The following ITGA9 variants were observed in gnomAD, a reference collection of about 807,000 sequenced individuals.
ITGA9 encodes the protein integrin alpha-9.
ITGA9 carries 56 observed loss-of-function variants against 127.8 expected under a neutral mutation model. The ratio of observed to expected loss-of-function variants is 0.44; its 90% CI spans 0.35 to 0.55. The LOEUF is 0.55. Ranked by LOEUF, ITGA9 falls within the 20% of genes least tolerant of loss-of-function variation. ITGA9 has a pLI of 0.00. For missense variants in ITGA9, 1,196 were observed against 1,347.1 expected, an observed-to-expected ratio of 0.89 and a Z score of 1.76; for synonymous variants, 508 against 514.5, an observed-to-expected ratio of 0.99 and a Z score of 0.17.
intron 17 of ITGA9, among the ~76,000 whole-genome samples, chr3:37,655,322 G>A (rs1700466898): frequency 6.6e-6 from 1 of 152,158 alleles, no homozygotes; most frequent in Non-Finnish European, 1.5e-5. Flanking sequence ...CAGTGTAAAA[G>A]CATTCTTATT....
chr3:37,679,080 A>G (rs1700710476), intron 17 of ITGA9, among the ~76,000 whole-genome samples: 1 of 152,196 alleles, frequency 6.6e-6, no homozygotes, highest in Non-Finnish European at 1.5e-5. Flanking sequence ...ATATGCTGTA[A>G]GATAAGCTTT....
chr3:37,707,606 G>A (rs1461323706), intron 18 of ITGA9, among the ~76,000 whole-genome samples: 1 of 152,158 alleles, frequency 6.6e-6, no homozygotes, highest in Non-Finnish European at 1.5e-5. Context: ...GCGATGTCAG[G>A]ATCACCTGTG....
chr3:37,737,822 T>C (rs1234174571), intron 20 of ITGA9, among the ~76,000 whole-genome samples: 3 of 152,240 alleles, frequency 2.0e-5, no homozygotes, highest in Non-Finnish European at 4.4e-5. Flanking sequence ...AACTCCTATA[T>C]ACCCTTTACC....
intron 23 of ITGA9, among the ~76,000 whole-genome samples, chr3:37,772,980 C>T (rs929867386): frequency 6.6e-6 from 1 of 152,248 alleles, no homozygotes; most frequent in African/African-American, 2.4e-5. Context: ...AGCTGTGACT[C>T]TGCCCCTTGG....
chr3:37,772,550 G>A (rs1369953148), intron 23 of ITGA9, among the ~76,000 whole-genome samples: 1 of 152,012 alleles, frequency 6.6e-6, no homozygotes, highest in Non-Finnish European at 1.5e-5. Flanking sequence ...TGTCATGGCT[G>A]TCACATTGGT....
chr3:37,583,016 T>C (rs575952428), intron 15 of ITGA9, among the ~76,000 whole-genome samples: 1 of 152,332 alleles, frequency 6.6e-6, no homozygotes, highest in Non-Finnish European at 1.5e-5. Flanking sequence ...CATTAGTTTG[T>C]AGGCCAGAGG....
At chr3:37,641,697 GC>G (rs1444575504) in intron 16 of ITGA9, among the ~76,000 whole-genome samples, 3 of 151,982 alleles carry the variant, frequency 2.0e-5, no homozygotes, top group Non-Finnish European at 2.9e-5. Flanking sequence ...ACATGCTAAG[GC>G]CCACGAGAGC....
intron 22 of ITGA9, chr3:37,748,173 A>G: frequency 2.2e-6 from 1 of 463,508 alleles, no homozygotes; most frequent in Non-Finnish European, 4.2e-6. Context: ...TTTTTAGAAA[A>G]CATGGAGTTG....
At chr3:37,613,466 T>C (rs1346749290) in intron 15 of ITGA9, among the ~76,000 whole-genome samples, 3 of 152,224 alleles carry the variant, frequency 2.0e-5, no homozygotes, top group Non-Finnish European at 4.4e-5. Flanking sequence ...TATAATCCTT[T>C]GGGTATATAC....
intron 15 of ITGA9, among the ~76,000 whole-genome samples, chr3:37,562,904 T>G (rs1699507965): frequency 6.7e-6 from 1 of 149,836 alleles, no homozygotes; most frequent in South Asian, 2.1e-4. Flanking sequence ...GAAATATACA[T>G]GAATTCAAAG....
intron 19 of ITGA9, among the ~76,000 whole-genome samples, chr3:37,734,994 C>T (rs1001100688): frequency 2.0e-5 from 3 of 152,226 alleles, no homozygotes; most frequent in Admixed American, 6.5e-5. Flanking sequence ...GACGGGGCTC[C>T]CCGTATCCGC....
At chr3:37,513,180 A>G (rs1275441117) in intron 8 of ITGA9, among the ~76,000 whole-genome samples, 1 of 152,190 alleles carries the variant, frequency 6.6e-6, no homozygotes, top group East Asian at 1.9e-4. Context: ...GAGCATTTTT[A>G]TTATGGTTGT....
At chr3:37,768,111 A>C (rs1365499548) in intron 23 of ITGA9, among the ~76,000 whole-genome samples, 1 of 152,198 alleles carries the variant, frequency 6.6e-6, no homozygotes, top group African/African-American at 2.4e-5. Flanking sequence ...CCTAGGATTC[A>C]TTAATATTAT....
chr3:37,764,759 C>T (rs775860963), intron 23 of ITGA9, among the ~76,000 whole-genome samples: 7 of 152,226 alleles, frequency 4.6e-5, no homozygotes, highest in Non-Finnish European at 8.8e-5. Context: ...TTCCCAGATG[C>T]CTTCACAGAT....
chr3:37,767,213 CCTCATACAGAGGCTGTGCAT>C (rs1696789637), intron 23 of ITGA9, among the ~76,000 whole-genome samples: 1 of 152,182 alleles, frequency 6.6e-6, no homozygotes, highest in South Asian at 2.1e-4. Context: ...ATAATGGCAG[CCTCATACAGAGGCTGTGCAT>C]TGGATTATAC....
intron 23 of ITGA9, among the ~76,000 whole-genome samples, chr3:37,762,833 A>G (rs1203890728): frequency 6.6e-6 from 1 of 152,206 alleles, no homozygotes. Context: ...AAGTTGAGGC[A>G]TGGTCATGCA....
chr3:37,593,107 T>C (rs761964874), intron 15 of ITGA9, among the ~76,000 whole-genome samples: 1 of 152,208 alleles, frequency 6.6e-6, no homozygotes, highest in Non-Finnish European at 1.5e-5. Context: ...TCAGTATGCA[T>C]GGGAGATTGG....
chr3:37,726,109 C>A (rs941631054), intron 18 of ITGA9, among the ~76,000 whole-genome samples: 2 of 152,214 alleles, frequency 1.3e-5, no homozygotes, highest in African/African-American at 4.8e-5. Flanking sequence ...TATTAAGAAC[C>A]TGTGCTCACC....
chr3:37,755,234 G>A (rs1696636620), intron 23 of ITGA9, among the ~76,000 whole-genome samples: 1 of 152,172 alleles, frequency 6.6e-6, no homozygotes, highest in African/African-American at 2.4e-5. Flanking sequence ...AAAAAGTAGA[G>A]CTGGGTTTGT....
Sources: allele counts gnomAD v4.1 joint callset (sites outside exome capture counted in the v4.1 genomes callset), GRCh38; gene constraint gnomAD v4.1.1; transcripts MANE v1.5; gene names NCBI Gene and HGNC (gene_info 2026-07-23, HGNC 2026-07-21).